CARD16: variants seen among roughly 807,000 people sequenced by gnomAD.
CARD16 encodes the protein caspase recruitment domain family member 16, also known as caspase recruitment domain-containing protein 16.
Under a neutral mutation model 11.9 loss-of-function variants are expected in CARD16, and 8 were observed. The ratio of observed to expected loss-of-function variants is 0.67; its 90% CI spans 0.39 to 1.21. CARD16 has a LOEUF of 1.21. Among genes scored for constraint, CARD16 ranks in the 50% most tolerant of loss-of-function variants. CARD16 has a pLI of 0.01. For missense variants in CARD16, 131 were observed against 118.1 expected (o/e 1.11, Z -0.51); for synonymous variants, 44 against 43.8 (o/e 1.00, Z -0.02).
chr11:105,045,144 A>T, intron 1 of CARD16, 147 bp downstream of exon 1: 1 of 1,145,716 alleles, frequency 8.7e-7, no homozygotes, highest in Non-Finnish European at 1.3e-6. Context: ...AAAATCTTCT[A>T]GTTCCTTCTC....
rs1864112909 is a variant in CARD16 at position 105,041,573 on chromosome 11, TC to T, written c.*189del. The T allele has an allele frequency of 6.2e-7, 1 of 1,613,964 alleles. No homozygotes were observed. The highest frequency in any genetic ancestry group is 1.3e-5 in the African/African-American group (1 of 74,914). ...AAACTGCCTGAAGTATATCTTTCAC[TC>T]CACTTTATTATTGTATTCTGAACAT... is the stretch of plus-strand genomic sequence containing the variant. On this transcript the variant is annotated 3_prime_UTR_variant, in exon 4 of 4. Coordinates refer to ENST00000673097, the MANE Select transcript of CARD16 (RefSeq NM_052889.4).
intron 2 of CARD16, chr11:105,044,119 G>A (rs1422458584): frequency 3.7e-6 from 2 of 547,810 alleles, no homozygotes; most frequent in Admixed American, 3.2e-5. Flanking sequence ...GGAACATATT[G>A]TATGAAGCTT....
chr11:105,041,762 T>G (rs1864116953), intron 3 of CARD16, 43 bp from the exon 4 acceptor site: 2 of 1,579,228 alleles, frequency 1.3e-6, no homozygotes, highest in Non-Finnish European at 1.7e-6. Flanking sequence ...TATCCCTCTT[T>G]GTTCTTATAG....
rs189692884 is a variant in CARD16, at chr11:105,045,333, A to G, written c.-36T>C. On this transcript the variant is annotated 5_prime_UTR_variant, in exon 1 of 4. Transcript: ENST00000673097. Reference sequence around the variant, plus strand: ...TCCTACCCTTCTTGTGTGGGCTGAAACTGAAAGTATGTTTCGCCTTCCTTT... The same window carrying G: ...TCCTACCCTTCTTGTGTGGGCTGAAGCTGAAAGTATGTTTCGCCTTCCTTT... 1,141 of 1,613,926 alleles carry G rather than the reference A, an allele frequency of 7.1e-4. 5 individuals carry two copies. The Middle Eastern group carries it at 0.016, about 23-fold the overall frequency.
At chr11:105,044,979 C>T (rs1270025034) in intron 1 of CARD16, 2 of 598,054 alleles carry the variant, frequency 3.3e-6, no homozygotes, top group South Asian at 4.3e-5. Context: ...CATTTAGGAA[C>T]CACTGCTGCT....
In CARD16 at chr11:105,045,329, T is replaced by C; in HGVS notation, c.-32A>G. The stretch of plus-strand genomic sequence containing the variant: ...TCTCTCCTACCCTTCTTGTGTGGGC[T>C]GAAACTGAAAGTATGTTTCGCCTTC... On this transcript the variant is annotated 5_prime_UTR_variant, in exon 1 of 4. Coordinates refer to ENST00000673097, the MANE Select transcript of CARD16 (RefSeq NM_052889.4). 6.2e-7 allele frequency: 1 copy of C among 1,613,942 alleles called. No individual in the cohort carries two copies. The highest frequency in any genetic ancestry group is 1.7e-5 in the Admixed American group (1 of 60,010).
intron 3 of CARD16, 42 bp downstream of exon 3, chr11:105,043,441 G>T (rs376861355): frequency 1.7e-4 from 239 of 1,368,140 alleles, no homozygotes; most frequent in Non-Finnish European, 1.9e-4. Context: ...TGTTAAAGAA[G>T]ATGGGGTTCA....
At chr11:105,045,090 T>C (rs1325081426) in intron 1 of CARD16, 4 of 693,984 alleles carry the variant, frequency 5.8e-6, no homozygotes, top group Admixed American at 2.9e-5. Flanking sequence ...ACCCCTAAAG[T>C]CTCTGTTCCT....
intron 3 of CARD16, among the ~76,000 whole-genome samples, chr11:105,042,894 T>C (rs1864135567): frequency 6.6e-6 from 1 of 152,202 alleles, no homozygotes. Flanking sequence ...TTCTAGCCTC[T>C]AAATTGCTTT....
In CARD16 at chr11:105,045,313, C is replaced by T; in HGVS notation, c.-16G>A. ...CACCGGCCATGGCTTTTCTCTCCTACCCTTCTTGTGTGGGCTGAAACTGAA... is the reference window on the plus strand; with the variant it reads ...CACCGGCCATGGCTTTTCTCTCCTATCCTTCTTGTGTGGGCTGAAACTGAA... On this transcript the variant is annotated 5_prime_UTR_variant, in exon 1 of 4. Transcript: ENST00000673097. 1 of 1,614,016 alleles carries T rather than the reference C, an allele frequency of 6.2e-7. No individual in the cohort carries two copies. Among genetic ancestry groups the T allele is most frequent in the Non-Finnish European group, 8.5e-7 (1 of 1,179,866 alleles).
chr11:105,044,279 C>CT, intron 2 of CARD16, 113 bp downstream of exon 2: 1 of 1,546,340 alleles, frequency 6.5e-7, no homozygotes, highest in African/African-American at 1.4e-5. Flanking sequence ...AAATATGGCC[C>CT]AAAGGCAGAG....
chr11:105,043,641 C>T, intron 2 of CARD16, 96 bp from the exon 3 acceptor site: 1 of 808,418 alleles, frequency 1.2e-6, no homozygotes, highest in Non-Finnish European at 2.2e-6. Context: ...ATTCCTCCCA[C>T]AACCCTGACT....
rs776305434 is a variant in CARD16, at chr11:105,041,676, T to G, written c.*87A>C. ...AAAGCTTGATTCTGCCTTCTGGGCT[T>G]GAGCATGTGGGCATAGCTGGGTTGT... On this transcript the variant is annotated 3_prime_UTR_variant, in exon 4 of 4. Transcript: ENST00000673097. The G allele has an allele frequency of 3.1e-6, 5 of 1,613,992 alleles. 1 individual carries two copies. In the South Asian group the frequency reaches 5.5e-5, roughly 18 times the overall value.
At chr11:105,043,870 G>A (rs999391292) in intron 2 of CARD16, 19 of 307,750 alleles carry the variant, frequency 6.2e-5, no homozygotes, top group Non-Finnish European at 9.6e-5. Flanking sequence ...GCAACGGGAG[G>A]AAAGAGCCCT....
intron 1 of CARD16, chr11:105,045,031 A>T (rs1451016477): frequency 1.6e-6 from 1 of 617,056 alleles, no homozygotes; most frequent in Non-Finnish European, 2.8e-6. Context: ...TGTCAGACTT[A>T]CGACAGGTAA....
intron 3 of CARD16, 137 bp downstream of exon 3, chr11:105,043,346 G>T (rs1323741329): frequency 8.3e-6 from 4 of 484,668 alleles, no homozygotes; most frequent in Non-Finnish European, 1.4e-5. Flanking sequence ...TGCAAAAACA[G>T]AATAGATTAA....
Position 105,043,505 on chromosome 11 carries a change from T to C in CARD16, c.*21A>G, listed in dbSNP as rs1345711733. On this transcript the variant is annotated 3_prime_UTR_variant, in exon 3 of 4. Transcript: ENST00000673097. ...TACCTGGGAAGGAAGAAAATAGTAA[T>C]TGGGAGTCTTGTGTACTAAGCTAAT... 6.2e-7 allele frequency: 1 copy of C among 1,609,518 alleles called. No individual in the cohort carries two copies. Among genetic ancestry groups the C allele is most frequent in the African/African-American group, 1.3e-5 (1 of 74,740 alleles).
Position 105,041,705 on chromosome 11 carries a change from G to T in CARD16, c.*58C>A, listed in dbSNP as rs202099222. On this transcript the variant is annotated 3_prime_UTR_variant, in exon 4 of 4. Transcript: ENST00000673097. ...CATGTGGGCATAGCTGGGTTGTCCT[G>T]CACTGCCTGAAGAGCTGCAAGAGAC... 1 of 1,613,626 alleles carries T rather than the reference G, an allele frequency of 6.2e-7. No homozygotes were observed. The highest frequency in any genetic ancestry group is 1.3e-5 in the African/African-American group (1 of 74,908).
chr11:105,045,191 C>A, intron 1 of CARD16, 100 bp downstream of exon 1: 2 of 1,560,356 alleles, frequency 1.3e-6, no homozygotes, highest in South Asian at 2.2e-5. Flanking sequence ...TTCTGCTCAC[C>A]TAAACTTCCA....
Sources: allele counts gnomAD v4.1 joint callset (sites outside exome capture counted in the v4.1 genomes callset), GRCh38; gene constraint gnomAD v4.1.1; transcripts MANE v1.5; gene names NCBI Gene and HGNC (gene_info 2026-07-23, HGNC 2026-07-21).